The following DOCK8 variants were observed in gnomAD, a reference collection of about 807,000 sequenced individuals.
DOCK8 encodes the protein dedicator of cytokinesis protein 8.
In DOCK8, 141 loss-of-function variants were observed where a neutral mutation model predicts 245.6. The ratio of observed to expected loss-of-function variants is 0.57; its 90% CI spans 0.50 to 0.66. The LOEUF (loss-of-function observed/expected upper bound fraction) is 0.66. Among genes scored for constraint, DOCK8 ranks in the 30% least tolerant of loss-of-function variants. DOCK8 has a pLI of 0.00. For synonymous variants in DOCK8, 1,168 were observed against 970.2 expected, an observed-to-expected ratio of 1.20 and a Z score of -3.79; for missense variants, 2,965 against 2,603.4, an observed-to-expected ratio of 1.14 and a Z score of -3.02.
chr9:245,681 T>C (rs990124244), intron 1 of DOCK8, among the ~76,000 whole-genome samples: 2 of 152,196 alleles, frequency 1.3e-5, no homozygotes, highest in Non-Finnish European at 2.9e-5. Context: ...TGTGCTCTAG[T>C]GCTGTGAATA....
At chr9:236,575 G>T (rs2131394517) in intron 1 of DOCK8, among the ~76,000 whole-genome samples, 1 of 152,264 alleles carries the variant, frequency 6.6e-6, no homozygotes, top group Non-Finnish European at 1.5e-5. Flanking sequence ...ACTAGTACCT[G>T]TAGTAGGTCC....
chr9:296,053 G>C (rs1483949215), intron 4 of DOCK8, among the ~76,000 whole-genome samples: 1 of 152,178 alleles, frequency 6.6e-6, no homozygotes, highest in Non-Finnish European at 1.5e-5. Context: ...TAGACTGGAA[G>C]ATTTATTAAA....
chr9:234,205 C>T (rs62531267), intron 1 of DOCK8, among the ~76,000 whole-genome samples: 2 of 152,102 alleles, frequency 1.3e-5, no homozygotes, highest in African/African-American at 4.8e-5. Flanking sequence ...TCTTTCCTTT[C>T]AGAATGTTGA....
intron 33 of DOCK8, among the ~76,000 whole-genome samples, chr9:425,668 C>T (rs1045893404): frequency 2.0e-5 from 3 of 148,950 alleles, no homozygotes; most frequent in African/African-American, 7.4e-5. Context: ...TAAGGCAGAG[C>T]ATCACTTGAG....
chr9:445,934 A>ATTCCCAC (rs2057239353), intron 43 of DOCK8, among the ~76,000 whole-genome samples: 1 of 152,206 alleles, frequency 6.6e-6, no homozygotes, highest in Admixed American at 6.5e-5. Flanking sequence ...TCTGTGTATG[A>ATTCCCAC]CAGCTCTAGC....
chr9:421,241 G>GC (rs1037773179), intron 32 of DOCK8, among the ~76,000 whole-genome samples, 163 bp downstream of exon 32: 4 of 152,186 alleles, frequency 2.6e-5, no homozygotes, highest in African/African-American at 7.2e-5. Context: ...ATTTGTGTTA[G>GC]CCCTGTGCCT....
upstream of DOCK8, chr9:214,662 G>C: frequency 6.2e-7 from 1 of 1,601,296 alleles, no homozygotes; most frequent in Non-Finnish European, 8.5e-7. Context: ...CCTTCGGCCG[G>C]AGGTCGGCGG....
At position 251,475 on chromosome 9, in the gene DOCK8, T is replaced by C. The variant is rs573161726; in HGVS notation, c.54-20152T>C. On this transcript the variant is annotated intron_variant, in intron 1 of 47. Transcript: ENST00000432829. ...TCTTTTTAGTAGTCAGGGGCAAAGC[T>C]TAGTATCCTTTCTTCTGAAAGCTTT... is the stretch of plus-strand genomic sequence containing the variant. 4.6e-5 allele frequency among the ~76,000 whole-genome samples: 7 copies of C among 152,334 alleles called. No individual in the cohort carries two copies. In the East Asian group the frequency reaches 5.8e-4, roughly 13 times the overall value.
chr9:357,960 T>C (rs978219406), intron 14 of DOCK8, among the ~76,000 whole-genome samples: 2 of 152,230 alleles, frequency 1.3e-5, no homozygotes, highest in African/African-American at 4.8e-5. Context: ...ACCTAAAACA[T>C]TGGAAACAGG....
chr9:449,757 T>G (rs1334043411), intron 44 of DOCK8, 27 bp from the exon 45 acceptor site: 1 of 1,612,268 alleles, frequency 6.2e-7, no homozygotes, highest in Non-Finnish European at 8.5e-7. Context: ...AGACAGTGAC[T>G]TCCCTATGTT....
At position 230,098 on chromosome 9, in the gene DOCK8, C is replaced by A. The variant is rs1233812263; in HGVS notation, c.53+15069C>A. On this transcript the variant is annotated intron_variant, in intron 1 of 47. Transcript: ENST00000432829. ...GTCCCCGGTGTGTGATATTCCCCTT[C>A]CTGTGTCCATGTGTTCTCATTGTTC... 7.6e-5 allele frequency among the ~76,000 whole-genome samples: 11 copies of A among 143,952 alleles called. No individual in the cohort carries two copies. In the East Asian group the frequency reaches 2.3e-3, roughly 31 times the overall value. The allele number at this position is 143,952 out of a possible 152,430, so 94.4% of individuals were successfully genotyped here. A position where few individuals can be genotyped will look rare whatever the true frequency, so the allele number is the denominator to read the frequency against.
intron 14 of DOCK8, among the ~76,000 whole-genome samples, chr9:345,553 T>C (rs1434142085): frequency 6.6e-6 from 1 of 152,124 alleles, no homozygotes; most frequent in Non-Finnish European, 1.5e-5. Context: ...TTGATGAGGG[T>C]TTCAGCTGAA....
In DOCK8 at chr9:314,777, A is replaced by G. The variant is rs908334994; in HGVS notation, c.742-2266A>G. Among the ~76,000 whole-genome samples the G allele has an allele frequency of 1.2e-4, 18 of 151,720 alleles. No individual in the cohort carries two copies. In the South Asian group the frequency reaches 1.2e-3, roughly 11 times the overall value. ...TTCTGCCTACTCTGACATGATTACA[A>G]ATGCTGGTTTTTTCGATGACACAAT... On this transcript the variant is annotated intron_variant, in intron 6 of 47. Coordinates refer to ENST00000432829, the MANE Select transcript of DOCK8 (RefSeq NM_203447.4).
Position 420,550 on chromosome 9 carries a change from A to G in DOCK8, c.3990A>G (p.Leu1330=), listed in dbSNP as rs1329844696. 11 of 1,614,062 alleles carry G rather than the reference A, an allele frequency of 6.8e-6. No homozygotes were observed. The highest frequency in any genetic ancestry group is 4.4e-5 in the South Asian group (4 of 91,090). The change falls in exon 31 of 48, where the codon CTA becomes CTG. Residue 1330 remains leucine (L), a synonymous_variant. Coordinates refer to ENST00000432829, the MANE Select transcript of DOCK8 (RefSeq NM_203447.4). ...CGCAGCTCAACAGGATTTTAGATCT[A>G]CTTTTCATCTGTGTGTTATGTTTTG... ...PSTQLNRILD[L]LFICVLCFEY...
At chr9:327,528 G>T (rs555535587) in intron 8 of DOCK8, among the ~76,000 whole-genome samples, 1 of 151,734 alleles carries the variant, frequency 6.6e-6, no homozygotes, top group Non-Finnish European at 1.5e-5. Context: ...GTCCCAAGTC[G>T]CTGGAACCAC....
At chr9:429,210 A>G (rs896564614) in intron 35 of DOCK8, among the ~76,000 whole-genome samples, 8 of 152,128 alleles carry the variant, frequency 5.3e-5, no homozygotes, top group Admixed American at 2.0e-4. Flanking sequence ...CAAGTGATCC[A>G]CCTGCCTCAG....
At chr9:384,085 C>G (rs993301273) in intron 22 of DOCK8, among the ~76,000 whole-genome samples, 2 of 152,148 alleles carry the variant, frequency 1.3e-5, no homozygotes, top group African/African-American at 4.8e-5. Context: ...TCCATAGGCT[C>G]CTCTTGCTGG....
chr9:421,907 C>T, intron 32 of DOCK8, 141 bp from the exon 33 acceptor site: 2 of 754,652 alleles, frequency 2.7e-6, no homozygotes, highest in South Asian at 3.0e-5. Context: ...GCGACTTTGT[C>T]TCCTACCAGC....
At chr9:237,087 C>A (rs144804441) in intron 1 of DOCK8, among the ~76,000 whole-genome samples, 46 of 152,352 alleles carry the variant, frequency 3.0e-4, no homozygotes, top group Middle Eastern at 3.4e-3. Flanking sequence ...AGCTAGCCTT[C>A]TGTGCCACAA....
Sources: gnomAD v4.1 joint callset for allele counts (sites outside exome capture counted in the v4.1 genomes callset) on GRCh38, gnomAD v4.1.1 for gene constraint, MANE v1.5 for transcripts, NCBI Gene and HGNC (gene_info 2026-07-23, HGNC 2026-07-21) for gene names.